NAA11: variants seen among roughly 807,000 people sequenced by gnomAD.
NAA11 encodes the protein N-alpha-acetyltransferase 11, NatA catalytic subunit, also known as N-alpha-acetyltransferase 11.
In NAA11, 15 loss-of-function variants were observed where a neutral mutation model predicts 16.1. That is an observed-to-expected ratio of 0.93 (90% CI 0.62 to 1.44). The LOEUF is 1.44. Ranked by LOEUF, NAA11 falls within the 40% of genes most tolerant of loss-of-function variation. The pLI is 0.00. For missense variants in NAA11, 298 were observed against 291.3 expected (o/e 1.02, Z -0.17); for synonymous variants, 122 against 112.4 (o/e 1.09, Z -0.54).
chr4:79,279,613 C>T (rs2109985815), intron 2 of NAA11, among the ~76,000 whole-genome samples: 1 of 152,206 alleles, frequency 6.6e-6, no homozygotes, highest in African/African-American at 2.4e-5. Context: ...CTCTAATGAC[C>T]AGTCTTGGCT....
intron 1 of NAA11, among the ~76,000 whole-genome samples, chr4:79,319,174 C>T (rs765336548): frequency 1.3e-5 from 2 of 152,154 alleles, no homozygotes; most frequent in Admixed American, 6.5e-5. Context: ...GCAAAGCTCC[C>T]GCCTTGGCCT....
intron 2 of NAA11, among the ~76,000 whole-genome samples, chr4:79,265,904 A>T (rs571903474): frequency 5.5e-4 from 83 of 152,192 alleles, no homozygotes; most frequent in Middle Eastern, 3.4e-3. Flanking sequence ...ACATCTGCTT[A>T]TTAAAACATG....
intron 2 of NAA11, among the ~76,000 whole-genome samples, chr4:79,280,464 C>G (rs1023079177): frequency 6.6e-6 from 1 of 151,986 alleles, no homozygotes. Context: ...AGAATACTAT[C>G]TTTTAGTTCC....
intron 2 of NAA11, among the ~76,000 whole-genome samples, chr4:79,248,893 C>T (rs951180761): frequency 2.6e-5 from 4 of 152,228 alleles, no homozygotes; most frequent in Non-Finnish European, 4.4e-5. Flanking sequence ...TGCACTGACA[C>T]ATGCAAGTGA....
the NAA11 span, among the ~76,000 whole-genome samples, chr4:79,189,673 C>A: frequency 1.2e-4 from 18 of 152,174 alleles, no homozygotes; most frequent in African/African-American, 4.3e-4. Flanking sequence ...ATTAGTAACA[C>A]CCCTTTGTTG....
At chr4:79,212,077 T>A in the NAA11 span, among the ~76,000 whole-genome samples, 1 of 152,220 alleles carries the variant, frequency 6.6e-6, no homozygotes, top group African/African-American at 2.4e-5. Context: ...AGAAATTCTG[T>A]ATAGCAGATG....
At chr4:79,246,442 C>A (rs918014373) in intron 2 of NAA11, among the ~76,000 whole-genome samples, 1 of 149,080 alleles carries the variant, frequency 6.7e-6, no homozygotes, top group Admixed American at 6.7e-5. Flanking sequence ...TAGAAATACT[C>A]CAAATATTAA....
intron 1 of NAA11, among the ~76,000 whole-genome samples, chr4:79,311,033 T>G (rs1019295664): frequency 3.0e-5 from 3 of 99,050 alleles, no homozygotes; most frequent in Admixed American, 1.9e-4. Context: ...GTGTGTATGG[T>G]GTCCTGGAAA....
At chr4:79,316,316 GA>G (rs1337394299), downstream of NAA11, among the ~76,000 whole-genome samples, 15 of 152,146 alleles carry the variant, frequency 9.9e-5, no homozygotes, top group Non-Finnish European at 1.9e-4. Context: ...AAGAAAAAAG[GA>G]AAAGATGGAA....
At chr4:79,166,641 G>A in the NAA11 span, among the ~76,000 whole-genome samples, 4 of 143,646 alleles carry the variant, frequency 2.8e-5, no homozygotes, top group East Asian at 2.2e-4. Flanking sequence ...AGGCTGAGGC[G>A]GGCGGATCAC....
chr4:79,186,255 G>T, the NAA11 span, among the ~76,000 whole-genome samples: 2 of 152,106 alleles, frequency 1.3e-5, no homozygotes, highest in African/African-American at 4.8e-5. Flanking sequence ...GTTGAATTTG[G>T]CTATAATGGT....
chr4:79,174,759 A>C, the NAA11 span, among the ~76,000 whole-genome samples: 1 of 152,150 alleles, frequency 6.6e-6, no homozygotes, highest in Non-Finnish European at 1.5e-5. Flanking sequence ...ATTAGTCACC[A>C]TGCAAACAAT....
the NAA11 span, among the ~76,000 whole-genome samples, chr4:79,156,272 C>G: frequency 6.6e-6 from 1 of 151,544 alleles, no homozygotes; most frequent in African/African-American, 2.4e-5. Context: ...AGGGCATACT[C>G]TATATATTAG....
intron 1 of NAA11, among the ~76,000 whole-genome samples, chr4:79,309,436 C>T (rs1228132944): frequency 6.6e-6 from 1 of 152,118 alleles, no homozygotes; most frequent in Non-Finnish European, 1.5e-5. Context: ...CTCAGGATTT[C>T]CCTGGTAATC....
chr4:79,325,797 C>T lies in NAA11; in HGVS notation c.81G>A (p.Gln27=), dbSNP rs1724258367. The T allele has an allele frequency of 1.2e-6, 2 of 1,614,044 alleles. No homozygotes were observed. Among genetic ancestry groups the T allele is most frequent in the African/African-American group, 2.7e-5 (2 of 74,938 alleles). The change falls in exon 1 of 2, where the codon CAG becomes CAA. Residue 27 remains glutamine (Q), a synonymous_variant. Transcript: ENST00000286794. Reference sequence around the variant, plus strand: ...GGCCATGATATAAATAGTATTTCATCTGGTAGTTCTCAGGAAGGCAAAGGA... The same window carrying T: ...GGCCATGATATAAATAGTATTTCATTTGGTAGTTCTCAGGAAGGCAAAGGA... ...CNLLCLPENY[Q]MKYYLYHGLS...
the NAA11 span, among the ~76,000 whole-genome samples, chr4:79,205,398 T>C: frequency 1.3e-5 from 2 of 152,094 alleles, no homozygotes. Flanking sequence ...GTTGGTCATT[T>C]GTATATCTTC....
rs1177488526 is a variant in NAA11 at position 79,277,048 on chromosome 4, AGAG to A, written c.*122+16954_*122+16956del. Among the ~76,000 whole-genome samples the A allele has an allele frequency of 7.9e-5, 12 of 152,280 alleles. No homozygotes were observed. The East Asian group carries it at 1.5e-3, about 20-fold the overall frequency. ...AGCCTTAGACATGATATTAGCAGAA[AGAG>A]GAGGAGTTTGCATCATGATTAAAAC... On this transcript the variant is annotated intron_variant and NMD_transcript_variant, in intron 2 of 2. Transcript: ENST00000511542.
chr4:79,276,261 A>G (rs1722642474), intron 2 of NAA11, among the ~76,000 whole-genome samples: 1 of 152,132 alleles, frequency 6.6e-6, no homozygotes, highest in Non-Finnish European at 1.5e-5. Flanking sequence ...AACGCTGCCC[A>G]TAAAAGATAA....
chr4:79,246,907 C>G (rs1472022273), intron 2 of NAA11, among the ~76,000 whole-genome samples: 1 of 152,156 alleles, frequency 6.6e-6, no homozygotes, highest in Non-Finnish European at 1.5e-5. Context: ...CAGAGCTAGT[C>G]CAGGGAGCTA....
Sources: gnomAD v4.1 joint callset for allele counts (sites outside exome capture counted in the v4.1 genomes callset) on GRCh38, gnomAD v4.1.1 for gene constraint, MANE v1.5 for transcripts, NCBI Gene and HGNC (gene_info 2026-07-23, HGNC 2026-07-21) for gene names.